The following DIAPH3 variants were observed in gnomAD, a reference collection of about 807,000 sequenced individuals.
DIAPH3 encodes diaphanous related formin 3.
Under a neutral mutation model 144.3 loss-of-function variants are expected in DIAPH3, and 117 were observed. That is an observed-to-expected ratio of 0.81 (90% CI 0.70 to 0.95). DIAPH3 has a LOEUF of 0.95. Ranked by LOEUF, DIAPH3 falls within the 40% of genes least tolerant of loss-of-function variation. The pLI, the probability that DIAPH3 is intolerant of heterozygous loss-of-function variation, is 0.00. For missense variants in DIAPH3, 1,421 were observed against 1,412.7 expected, an observed-to-expected ratio of 1.01 and a Z score of -0.09; for synonymous variants, 519 against 488.9, an observed-to-expected ratio of 1.06 and a Z score of -0.81.
At chr13:59,743,351 C>G (rs550187023) in intron 27 of DIAPH3, among the ~76,000 whole-genome samples, 26 of 152,204 alleles carry the variant, frequency 1.7e-4, no homozygotes, top group African/African-American at 6.3e-4. Flanking sequence ...ATAAATCATG[C>G]TTGGTGACAA....
chr13:60,082,576 A>C (rs528822514), intron 4 of DIAPH3, among the ~76,000 whole-genome samples: 1 of 152,092 alleles, frequency 6.6e-6, no homozygotes, highest in East Asian at 1.9e-4. Flanking sequence ...TCAAGATCCT[A>C]TAGTATTATT....
intron 2 of DIAPH3, among the ~76,000 whole-genome samples, chr13:60,114,789 C>T (rs111680640): frequency 7.3e-5 from 11 of 151,582 alleles, no homozygotes; most frequent in South Asian, 2.1e-4. Context: ...ATTATATACA[C>T]GAGAAAAAAA....
intron 4 of DIAPH3, among the ~76,000 whole-genome samples, chr13:60,081,466 T>C (rs528879551): frequency 6.6e-6 from 1 of 152,014 alleles, no homozygotes; most frequent in South Asian, 2.1e-4. Flanking sequence ...AAGACATAAA[T>C]TGGCATAGAA....
chr13:59,847,288 T>C (rs189089595), intron 22 of DIAPH3, among the ~76,000 whole-genome samples: 4 of 152,328 alleles, frequency 2.6e-5, no homozygotes, highest in African/African-American at 9.6e-5. Context: ...TTGTTGTTTT[T>C]ACATAATACT....
intron 14 of DIAPH3, among the ~76,000 whole-genome samples, chr13:59,975,201 A>G (rs1258781148): frequency 3.9e-5 from 6 of 151,978 alleles, no homozygotes; most frequent in Non-Finnish European, 7.4e-5. Flanking sequence ...TTTCTTAAGA[A>G]AAATGAAAAA....
chr13:60,106,825 G>A (rs935060589), intron 3 of DIAPH3, among the ~76,000 whole-genome samples: 1 of 152,138 alleles, frequency 6.6e-6, no homozygotes, highest in African/African-American at 2.4e-5. Context: ...TATGAGATAT[G>A]CTGTTTACAT....
chr13:59,778,214 C>G (rs1157524984), intron 25 of DIAPH3, among the ~76,000 whole-genome samples: 1 of 152,178 alleles, frequency 6.6e-6, no homozygotes, highest in Non-Finnish European at 1.5e-5. Context: ...ACTGAGAATC[C>G]TTTCCTGACC....
At chr13:59,810,275 T>C (rs1411022857) in intron 25 of DIAPH3, among the ~76,000 whole-genome samples, 1 of 152,140 alleles carries the variant, frequency 6.6e-6, no homozygotes, top group Non-Finnish European at 1.5e-5. Context: ...TCCTCCCACC[T>C]CAACCTCCCG....
intron 21 of DIAPH3, among the ~76,000 whole-genome samples, chr13:59,873,257 C>A (rs939103474): frequency 6.6e-6 from 1 of 152,026 alleles, no homozygotes; most frequent in African/African-American, 2.4e-5. Context: ...TTTTGCCAAC[C>A]TAATAAAGAA....
At position 59,911,821 on chromosome 13, in the gene DIAPH3, G is replaced by T. The variant is rs758813459; in HGVS notation, c.2281C>A (p.Leu761Ile). The change falls in exon 20 of 28, where the codon CTT becomes ATT. Residue 761 changes from leucine (L) to isoleucine (I), a missense_variant. Coordinates refer to ENST00000400324, the MANE Select transcript of DIAPH3 (RefSeq NM_001042517.2). Reference protein sequence around the residue: ...ESMIQNLIKHLPDQEQLNSLS... With the variant: ...ESMIQNLIKHIPDQEQLNSLS... ...GAATTTAATTGCTCTTGATCAGGAA[G>T]ATGCTTTATTAAGTTCTAAAAATTA... 14 of 1,611,610 alleles carry T rather than the reference G, an allele frequency of 8.7e-6. No individual in the cohort carries two copies. Among genetic ancestry groups the T allele is most frequent in the South Asian group, 7.7e-5 (7 of 90,996 alleles).
chr13:59,814,523 C>G (rs1201964286), intron 24 of DIAPH3, among the ~76,000 whole-genome samples: 1 of 152,014 alleles, frequency 6.6e-6, no homozygotes, highest in Non-Finnish European at 1.5e-5. Context: ...TTCTTTTATT[C>G]TAAATGTTAA....
intron 2 of DIAPH3, 91 bp downstream of exon 2, chr13:60,132,866 T>C: frequency 3.7e-6 from 4 of 1,086,318 alleles, no homozygotes; most frequent in Non-Finnish European, 5.6e-6. Flanking sequence ...ATGTGACTTT[T>C]AGCCATTTCA....
At chr13:60,087,252 A>G (rs2057777107) in intron 4 of DIAPH3, among the ~76,000 whole-genome samples, 1 of 152,214 alleles carries the variant, frequency 6.6e-6, no homozygotes, top group Non-Finnish European at 1.5e-5. Context: ...ATCTAAATAT[A>G]TGACTGATTT....
At chr13:60,101,100 T>C (rs1266770326) in intron 3 of DIAPH3, among the ~76,000 whole-genome samples, 3 of 152,192 alleles carry the variant, frequency 2.0e-5, no homozygotes, top group African/African-American at 7.2e-5. Context: ...TAAACTATGG[T>C]CAAATTCTTG....
At chr13:59,885,448 T>TAA (rs67977635) in intron 20 of DIAPH3, among the ~76,000 whole-genome samples, 6,677 of 92,994 alleles carry the variant, frequency 0.072, 376 homozygotes, top group Non-Finnish European at 0.092. Context: ...CTTCTTTCAC[T>TAA]AAAAAAAAAA....
intron 4 of DIAPH3, among the ~76,000 whole-genome samples, chr13:60,082,900 T>C (rs918227151): frequency 6.6e-6 from 1 of 152,104 alleles, no homozygotes; most frequent in Non-Finnish European, 1.5e-5. Context: ...AAAATAGCAG[T>C]TGGAGACAGA....
chr13:59,949,887 A>C (rs1472664635), intron 17 of DIAPH3, among the ~76,000 whole-genome samples: 1 of 152,162 alleles, frequency 6.6e-6, no homozygotes, highest in African/African-American at 2.4e-5. Context: ...TCTACCAGCT[A>C]ATGATTGTCT....
intron 17 of DIAPH3, among the ~76,000 whole-genome samples, chr13:59,967,835 G>A (rs976011322): frequency 7.2e-5 from 11 of 152,192 alleles, no homozygotes; most frequent in African/African-American, 2.4e-4. Context: ...AGAAATGTTA[G>A]CAGGGCTCGG....
At chr13:59,902,950 T>C (rs993749999) in intron 20 of DIAPH3, among the ~76,000 whole-genome samples, 1 of 152,162 alleles carries the variant, frequency 6.6e-6, no homozygotes, top group Non-Finnish European at 1.5e-5. Flanking sequence ...GATTACCAAA[T>C]GGCCATCTAA....
Sources: gnomAD v4.1 joint callset for allele counts (sites outside exome capture counted in the v4.1 genomes callset) on GRCh38, gnomAD v4.1.1 for gene constraint, MANE v1.5 for transcripts, NCBI Gene and HGNC (gene_info 2026-07-23, HGNC 2026-07-21) for gene names.